CHD8: variants seen among roughly 807,000 people sequenced by gnomAD.
The protein encoded by CHD8 is ATP-dependent chromatin remodeler CHD8.
Under a neutral mutation model 279.2 loss-of-function variants are expected in CHD8, and 31 were observed. The ratio of observed to expected loss-of-function variants is 0.11; its 90% CI spans 0.08 to 0.15. The LOEUF is 0.15. Ranked by LOEUF, CHD8 falls within the 10% of genes least tolerant of loss-of-function variation. The pLI is 1.00. For synonymous variants in CHD8, 1,081 were observed against 1,139.6 expected (o/e 0.95, Z 1.04); for missense variants, 2,146 against 3,230.5 (o/e 0.66, Z 8.14).
chr14:21,430,979 G>A lies in CHD8; in HGVS notation c.665C>T (p.Thr222Ile). The change falls in exon 2 of 38, where the codon ACA becomes ATA. Residue 222 changes from threonine to isoleucine, a missense_variant. By Grantham distance (89) the Thr-to-Ile change is moderately conservative (BLOSUM62 -1). Coordinates refer to ENST00000646647, the MANE Select transcript of CHD8 (RefSeq NM_001170629.2). ...CCCAGGGACCTTGGCGGCCAACACT[G>A]TATTACCAGAGACAATGGAAACACC... Reference protein sequence around the residue: ...RPGVSIVSGNTVLAAKVPGNQ... With the variant: ...RPGVSIVSGNIVLAAKVPGNQ... The A allele has an allele frequency of 6.3e-7, 1 of 1,599,598 alleles. No individual in the cohort carries two copies. Among genetic ancestry groups the A allele is most frequent in the Non-Finnish European group, 8.5e-7 (1 of 1,179,820 alleles).
At chr14:21,417,896 T>TATAC (rs1555316826) in intron 5 of CHD8, among the ~76,000 whole-genome samples, 17 of 144,598 alleles carry the variant, frequency 1.2e-4, no homozygotes, top group African/African-American at 3.5e-4. Context: ...TATATATATA[T>TATAC]ACACACACAC....
intron 27 of CHD8, chr14:21,397,617 G>A: frequency 1.9e-6 from 1 of 527,570 alleles, no homozygotes; most frequent in Non-Finnish European, 3.4e-6. Context: ...CCATTTACAA[G>A]TGACATTCAT....
At chr14:21,439,003 T>C (rs764427861) in intron 1 of CHD8, among the ~76,000 whole-genome samples, 4 of 152,016 alleles carry the variant, frequency 2.6e-5, no homozygotes, top group African/African-American at 4.8e-5. Flanking sequence ...GGCACTCACC[T>C]GTAGTCCCAG....
In CHD8 at chr14:21,430,916, C is replaced by A; in HGVS notation, c.728G>T (p.Arg243Leu). The A allele has an allele frequency of 6.3e-7, 1 of 1,599,364 alleles. No individual in the cohort carries two copies. The highest frequency in any genetic ancestry group is 1.1e-5 in the South Asian group (1 of 91,004). The change falls in exon 2 of 38, where the codon CGA becomes CTA. Residue 243 changes from arginine to leucine, a missense_variant. This residue lies in a region of CHD8 where 302 missense variants were observed against 325.5 expected (regional missense o/e 0.93). Transcript: ENST00000646647. Reference protein sequence around the residue: ...AAVQRIVQPSRPVKQLVLQPV... With the variant: ...AAVQRIVQPSLPVKQLVLQPV... ...CTGGAGGACCAGCTGCTTTACTGGT[C>A]GGCTGGGCTGGACAATGCGCTGAAC...
intron 1 of CHD8, among the ~76,000 whole-genome samples, chr14:21,435,750 C>T (rs1889755264): frequency 1.3e-5 from 2 of 152,286 alleles, no homozygotes; most frequent in South Asian, 4.1e-4. Context: ...GAAAAAACTA[C>T]ATCTCATTGT....
rs1211469891 is a variant in CHD8, at chr14:21,402,342, A to C, written c.3876T>G (p.Ile1292Met). The change falls in exon 19 of 38, where the codon ATT becomes ATG. Residue 1292 changes from isoleucine (I) to methionine (M), a missense_variant. Transcript: ENST00000646647. This position sits in a 1 kb window ranked among gnomAD's most constrained non-coding sequence, Gnocchi z 4.5. The part of the protein sequence containing the change: ...LQSMSGRDGN[I>M]TGIQQFSKKE... ...ATAAACTAAGAGGACTCACTCCAGT[A>C]ATGTTGCCATCCCGACCACTCATGG... 6.2e-7 allele frequency: 1 copy of C among 1,614,026 alleles called. No individual in the cohort carries two copies. Among genetic ancestry groups the C allele is most frequent in the East Asian group, 2.2e-5 (1 of 44,880 alleles).
In CHD8 at chr14:21,405,973, ATAAAATGAT is replaced by A; in HGVS notation, c.2908-118_2908-110del. On this transcript the variant is annotated intron_variant, in intron 14 of 37. Transcript: ENST00000646647. This position sits in a 1 kb window ranked among gnomAD's most constrained non-coding sequence, Gnocchi z 4.2. ...TATATAACCTTTAATTTCTTTATCT[ATAAAATGAT>A]GAGAATGGACCAGTGATCTGGTCCA... 1.2e-6 allele frequency: 1 copy of A among 814,486 alleles called. No individual in the cohort carries two copies. The highest frequency in any genetic ancestry group is 2.9e-5 in the East Asian group (1 of 34,858). 50.5% of individuals were successfully genotyped at this position (814,486 alleles called of 1,614,324 possible). A position where few individuals can be genotyped will look rare whatever the true frequency, so the allele number is the denominator to read the frequency against.
intron 1 of CHD8, among the ~76,000 whole-genome samples, chr14:21,441,890 AAAACAAAC>A (rs57797895): frequency 2.7e-5 from 4 of 150,416 alleles, no homozygotes; most frequent in African/African-American, 4.9e-5. Flanking sequence ...CTCCACCTCA[AAAACAAAC>A]AAACAAACAA....
In CHD8 at chr14:21,429,215, C is replaced by T; in HGVS notation, c.964G>A (p.Ala322Thr). The T allele has an allele frequency of 6.2e-7, 1 of 1,613,958 alleles. No homozygotes were observed. Among genetic ancestry groups the T allele is most frequent in the Non-Finnish European group, 8.5e-7 (1 of 1,179,878 alleles). Residue 322 changes from alanine to threonine, a missense_variant, in exon 3 of 38, where the codon GCA (alanine) becomes ACA (threonine). Around this residue, in one of 26 missense-constraint regions of CHD8, gnomAD observed 170 missense variants for 189.9 expected, o/e 0.90. Transcript: ENST00000646647. ...GCATTCTTGGCTTGAGTCAGGGCTGCCAGCTGGTTGCCCTGTAACACTATC... is the reference window on the plus strand; with the variant it reads ...GCATTCTTGGCTTGAGTCAGGGCTGTCAGCTGGTTGCCCTGTAACACTATC... Reference protein sequence around the residue: ...GKIVLQGNQLAALTQAKNAQG... With the variant: ...GKIVLQGNQLTALTQAKNAQG...
At position 21,433,225 on chromosome 14, in the gene CHD8, A is replaced by G. The variant is rs368939405; in HGVS notation, c.-215-1367T>C. 2.0e-5 allele frequency among the ~76,000 whole-genome samples: 3 copies of G among 152,360 alleles called. No homozygotes were observed. In the South Asian group the frequency reaches 6.2e-4, roughly 32 times the overall value. On this transcript the variant is annotated intron_variant, in intron 1 of 37. Transcript: ENST00000646647. ...AAACTAAATGGTATCCTTTGATTCTAACATGAGATGGTAAAAAGCTTCCTA... is the reference window on the plus strand; with the variant it reads ...AAACTAAATGGTATCCTTTGATTCTGACATGAGATGGTAAAAAGCTTCCTA...
intron 1 of CHD8, among the ~76,000 whole-genome samples, chr14:21,450,085 T>C (rs1048092610): frequency 2.0e-4 from 30 of 152,306 alleles, no homozygotes; most frequent in African/African-American, 6.7e-4. Flanking sequence ...TTTATGCAAC[T>C]TGCTAGCCCC....
Position 21,443,813 on chromosome 14 carries a change from G to A in CHD8, c.-215-11955C>T, listed in dbSNP as rs1229956270. Among the ~76,000 whole-genome samples the A allele has an allele frequency of 1.7e-4, 22 of 132,008 alleles. No homozygotes were observed. In the Admixed American group the frequency reaches 1.7e-3, roughly 10 times the overall value. The allele number at this position is 132,008 out of a possible 152,430, so 86.6% of individuals were successfully genotyped here. A position where few individuals can be genotyped will look rare whatever the true frequency, so the allele number is the denominator to read the frequency against. On this transcript the variant is annotated intron_variant, in intron 1 of 37. Coordinates refer to ENST00000646647, the MANE Select transcript of CHD8 (RefSeq NM_001170629.2). ...GCAGCTTGCAGTGAGCTGAGATCGCGCCACTGCACTCTAGCCTGGGCAACA... is the reference window on the plus strand; with the variant it reads ...GCAGCTTGCAGTGAGCTGAGATCGCACCACTGCACTCTAGCCTGGGCAACA...
At position 21,428,241 on chromosome 14, in the gene CHD8, T is replaced by C; in HGVS notation, c.1229A>G (p.Gln410Arg). Residue 410 changes from glutamine to arginine, a missense_variant, in exon 4 of 38, where the codon CAA becomes CGA. This residue lies in a region of CHD8 where 170 missense variants were observed against 189.9 expected (regional missense o/e 0.90). Coordinates refer to ENST00000646647, the MANE Select transcript of CHD8 (RefSeq NM_001170629.2). Reference sequence around the variant, plus strand: ...TACAGAGAGCCCAGAAGAGGCCCCTTGGGAAGAGCCAGCCTATAGAAACAA... The same window carrying C: ...TACAGAGAGCCCAGAAGAGGCCCCTCGGGAAGAGCCAGCCTATAGAAACAA... ...VVLQPQAGSSQGASSGLSVVK... is the reference protein window; with the variant it reads ...VVLQPQAGSSRGASSGLSVVK... The C allele has an allele frequency of 1.2e-6, 2 of 1,613,802 alleles. No individual in the cohort carries two copies. Among genetic ancestry groups the C allele is most frequent in the African/African-American group, 1.3e-5 (1 of 75,020 alleles).
chr14:21,454,162 A>AAAAAAGAAAAG lies in CHD8; in HGVS notation c.-216+1869_-216+1870insCTTTTCTTTTT, dbSNP rs1555321148. On this transcript the variant is annotated intron_variant, in intron 1 of 37. Coordinates refer to ENST00000646647, the MANE Select transcript of CHD8 (RefSeq NM_001170629.2). ...GACAGAGCAAGACTCCGTCTCAAAA[A>AAAAAAGAAAAG]AAAAGAAAAGAAAAGAAAAGAAAAG... is the stretch of plus-strand genomic sequence containing the variant. 7.9e-5 allele frequency among the ~76,000 whole-genome samples: 10 copies of AAAAAAGAAAAG among 127,074 alleles called. No homozygotes were observed. In the South Asian group the frequency reaches 2.1e-3, roughly 27 times the overall value. The allele number at this position is 127,074 out of a possible 152,430, so 83.4% of individuals were successfully genotyped here. A position where few individuals can be genotyped will look rare whatever the true frequency, so the allele number is the denominator to read the frequency against.
Position 21,415,781 on chromosome 14 carries a change from G to A in CHD8, c.1843C>T (p.Pro615Ser), listed in dbSNP as rs61744458. 1,645 of 1,613,892 alleles carry A rather than the reference G, an allele frequency of 1.0e-3. 15 individuals carry two copies. The African/African-American group carries it at 0.02, about 19-fold the overall frequency. The change falls in exon 6 of 38, where the codon CCT (proline) becomes TCT (serine). Residue 615 changes from proline (P) to serine (S), a missense_variant. This residue lies in a region of CHD8 where 123 missense variants were observed against 169.2 expected (regional missense o/e 0.73). Coordinates refer to ENST00000646647, the MANE Select transcript of CHD8 (RefSeq NM_001170629.2). ...TGPIKPEPIL[P>S]EPVQEPDGET... is the part of the protein sequence containing the mutation. ...CCATCTGGTTCTTGCACTGGTTCAG[G>A]GAGGATAGGCTCAGGTTTTATTGGA...
intron 10 of CHD8, 98 bp from the exon 11 acceptor site, chr14:21,410,086 T>C: frequency 2.5e-6 from 3 of 1,213,030 alleles, no homozygotes; most frequent in South Asian, 3.6e-5. Context: ...TCACAAAGTA[T>C]CAGTACCTAG....
At chr14:21,453,391 C>T (rs1332876623) in intron 1 of CHD8, among the ~76,000 whole-genome samples, 1 of 151,708 alleles carries the variant, frequency 6.6e-6, no homozygotes, top group Non-Finnish European at 1.5e-5. Flanking sequence ...TGAGCAAAAT[C>T]ACAGGAAGAT....
At chr14:21,440,914 G>A (rs1889943114) in intron 1 of CHD8, among the ~76,000 whole-genome samples, 1 of 152,148 alleles carries the variant, frequency 6.6e-6, no homozygotes, top group Non-Finnish European at 1.5e-5. Flanking sequence ...GAAAGGAGTT[G>A]TATAGTGAAC....
intron 5 of CHD8, among the ~76,000 whole-genome samples, chr14:21,418,898 T>G (rs1292581373): frequency 6.6e-6 from 1 of 152,182 alleles, no homozygotes; most frequent in African/African-American, 2.4e-5. Flanking sequence ...AGCAGTTAGC[T>G]GCCTATGCCC....
Sources: gnomAD v4.1 joint callset for allele counts (sites outside exome capture counted in the v4.1 genomes callset) on GRCh38, gnomAD v4.1.1 for gene constraint, gnomAD v4.1.1 regional missense constraint, Gnocchi (gnomAD v3.1) non-coding constraint, MANE v1.5 for transcripts, NCBI Gene and HGNC (gene_info 2026-07-23, HGNC 2026-07-21) for gene names.